Variants in RNF38 observed in about 807,000 individuals in gnomAD.
RNF38 encodes the protein E3 ubiquitin-protein ligase RNF38.
RNF38 carries 15 observed loss-of-function variants against 67.2 expected under a neutral mutation model. The observed-to-expected ratio is 0.22, with a 90% CI of 0.15 to 0.34. The LOEUF is 0.34. RNF38 is among the 10% of genes least tolerant of loss of function. The pLI is 1.00. For missense variants in RNF38, 524 were observed against 639.9 expected (o/e 0.82, Z 1.95); for synonymous variants, 220 against 218.8 (o/e 1.01, Z -0.05).
intron 1 of RNF38, among the ~76,000 whole-genome samples, chr9:36,448,931 T>C (rs1366229911): frequency 6.6e-6 from 1 of 151,892 alleles, no homozygotes; most frequent in Non-Finnish European, 1.5e-5. Flanking sequence ...GAGGTGGAGG[T>C]TGCAGTGAGC....
intron 9 of RNF38, among the ~76,000 whole-genome samples, chr9:36,348,554 T>C (rs1054884283): frequency 6.6e-6 from 1 of 152,228 alleles, no homozygotes; most frequent in Admixed American, 6.5e-5. Flanking sequence ...AGCAGCCATA[T>C]TGCTGATATG....
chr9:36,467,040 G>A (rs144563807), intron 1 of RNF38, among the ~76,000 whole-genome samples: 6,565 of 140,762 alleles, frequency 0.047, 495 homozygotes, highest in African/African-American at 0.16. Context: ...TTAGCCAGGC[G>A]TGGTGGCACG....
At chr9:36,446,811 A>G (rs1417840075) in intron 1 of RNF38, among the ~76,000 whole-genome samples, 40 of 69,700 alleles carry the variant, frequency 5.7e-4, no homozygotes, top group Middle Eastern at 5.4e-3. Flanking sequence ...CCGCCTCAAG[A>G]AAAAAAAAAA....
intron 1 of RNF38, among the ~76,000 whole-genome samples, chr9:36,436,446 A>G (rs1473276609): frequency 1.3e-5 from 2 of 152,234 alleles, no homozygotes; most frequent in Non-Finnish European, 2.9e-5. Flanking sequence ...CATAGTCTAG[A>G]TTATCATATT....
rs182107085 is a variant in RNF38 at position 36,396,197 on chromosome 9, T to C, written c.12+3900A>G. Among the ~76,000 whole-genome samples, 8 of 152,306 alleles carry C rather than the reference T, an allele frequency of 5.3e-5. No individual in the cohort carries two copies. The East Asian group carries it at 1.6e-3, about 30-fold the overall frequency. On this transcript the variant is annotated intron_variant, in intron 1 of 11. Transcript: ENST00000259605. ...AATCTTCCAAACTGTAAGCAAATGA[T>C]GTAACAGCCTGCCTTTCTGATTTGT... is the stretch of plus-strand genomic sequence containing the variant.
intron 2 of RNF38, among the ~76,000 whole-genome samples, chr9:36,382,708 G>A (rs1446596481): frequency 6.6e-6 from 1 of 152,148 alleles, no homozygotes; most frequent in East Asian, 1.9e-4. Flanking sequence ...CAGCAAAGAG[G>A]CAACTTGTGT....
intron 1 of RNF38, among the ~76,000 whole-genome samples, chr9:36,480,618 C>T (rs556298841): frequency 7.5e-5 from 10 of 134,122 alleles, no homozygotes; most frequent in African/African-American, 2.7e-4. Context: ...GTGGCACCAT[C>T]TCAACTCACT....
At chr9:36,428,011 A>G (rs938720854) in intron 1 of RNF38, among the ~76,000 whole-genome samples, 31 of 151,474 alleles carry the variant, frequency 2.0e-4, no homozygotes, top group Admixed American at 4.6e-4. Flanking sequence ...CACCCAGACA[A>G]ATTTCTCAGC....
chr9:36,380,402 G>A (rs888483351), intron 2 of RNF38, among the ~76,000 whole-genome samples: 1 of 152,246 alleles, frequency 6.6e-6, no homozygotes, highest in Middle Eastern at 3.4e-3. Context: ...GTTTCTCCAC[G>A]TTGGTCAGGC....
intron 9 of RNF38, among the ~76,000 whole-genome samples, chr9:36,348,864 A>G (rs1833496428): frequency 6.6e-6 from 1 of 152,256 alleles, no homozygotes; most frequent in African/African-American, 2.4e-5. Context: ...TGGATTTTCA[A>G]TGTAGACGGA....
At chr9:36,365,132 T>C (rs1219943849) in intron 4 of RNF38, among the ~76,000 whole-genome samples, 1 of 152,122 alleles carries the variant, frequency 6.6e-6, no homozygotes, top group African/African-American at 2.4e-5. Context: ...TCACTAAAAA[T>C]GACAGAATCA....
chr9:36,345,053 T>G (rs1426334387), intron 9 of RNF38, 100 bp from the exon 10 acceptor site: 16 of 1,300,340 alleles, frequency 1.2e-5, no homozygotes, highest in Non-Finnish European at 1.7e-5. Context: ...TTGCCCAGGC[T>G]AGAGTATAGC....
intron 4 of RNF38, among the ~76,000 whole-genome samples, chr9:36,360,614 G>T (rs1476476021): frequency 2.0e-5 from 3 of 152,126 alleles, no homozygotes; most frequent in African/African-American, 7.2e-5. Context: ...CAAATTAGGG[G>T]TGTCCAACCT....
intron 1 of RNF38, among the ~76,000 whole-genome samples, chr9:36,391,770 C>A (rs1053218343): frequency 6.6e-6 from 1 of 151,968 alleles, no homozygotes; most frequent in Non-Finnish European, 1.5e-5. Flanking sequence ...CCCGCCACCC[C>A]GCCTGGCTAA....
intron 1 of RNF38, among the ~76,000 whole-genome samples, chr9:36,453,086 A>C (rs1437194114): frequency 6.6e-6 from 1 of 152,158 alleles, no homozygotes; most frequent in Non-Finnish European, 1.5e-5. Flanking sequence ...ACTGTTTTCT[A>C]AAGTGGCTGC....
chr9:36,431,124 AC>A (rs36011438), intron 1 of RNF38, among the ~76,000 whole-genome samples: 6 of 152,318 alleles, frequency 3.9e-5, no homozygotes, highest in Admixed American at 3.9e-4. Flanking sequence ...GGTTCCCAAC[AC>A]CCCTTCTTCT....
chr9:36,376,680 C>T (rs1835809557), intron 2 of RNF38, among the ~76,000 whole-genome samples: 1 of 152,064 alleles, frequency 6.6e-6, no homozygotes, highest in South Asian at 2.1e-4. Context: ...AATCCCAGCA[C>T]TTTGGGAGGC....
intron 1 of RNF38, among the ~76,000 whole-genome samples, chr9:36,464,528 G>A (rs139000324): frequency 0.016 from 2,360 of 151,098 alleles, 37 homozygotes; most frequent in African/African-American, 0.04. Context: ...CTGAGATCGC[G>A]CCACTGTACT....
intron 1 of RNF38, among the ~76,000 whole-genome samples, chr9:36,450,286 C>G (rs997731351): frequency 1.3e-5 from 2 of 152,004 alleles, no homozygotes; most frequent in African/African-American, 4.8e-5. Flanking sequence ...TAATTATATT[C>G]TCAAAAGGCT....
Sources: allele counts gnomAD v4.1 joint callset (sites outside exome capture counted in the v4.1 genomes callset), GRCh38; gene constraint gnomAD v4.1.1; transcripts MANE v1.5; gene names NCBI Gene and HGNC (gene_info 2026-07-23, HGNC 2026-07-21).